Variants in MAP1B observed in about 807,000 individuals in gnomAD.
MAP1B encodes the protein microtubule associated protein 1B, also known as microtubule-associated protein 1B.
In MAP1B, 12 loss-of-function variants were observed where a neutral mutation model predicts 176.1. The ratio of observed to expected loss-of-function variants is 0.07; its 90% CI spans 0.04 to 0.11. The LOEUF (loss-of-function observed/expected upper bound fraction) is 0.11. Among genes scored for constraint, MAP1B ranks in the 10% least tolerant of loss-of-function variants. The pLI is 1.00. For missense variants in MAP1B, 2,523 were observed against 2,990.5 expected (o/e 0.84, Z 3.65); for synonymous variants, 1,044 against 1,135.0 (o/e 0.92, Z 1.61).
intron 2 of MAP1B, among the ~76,000 whole-genome samples, chr5:72,160,747 C>A (rs1746312287): frequency 6.6e-6 from 1 of 152,160 alleles, no homozygotes; most frequent in Middle Eastern, 3.2e-3. Flanking sequence ...AACAGTGGGG[C>A]TCCCACCCTC....
chr5:72,128,754 C>T (rs1745672657), intron 2 of MAP1B, among the ~76,000 whole-genome samples: 1 of 152,208 alleles, frequency 6.6e-6, no homozygotes, highest in Non-Finnish European at 1.5e-5. Context: ...AATCTTCCCA[C>T]CTCAGCTTCC....
chr5:72,129,415 G>A (rs1745686735), intron 2 of MAP1B, among the ~76,000 whole-genome samples: 1 of 152,134 alleles, frequency 6.6e-6, no homozygotes, highest in Non-Finnish European at 1.5e-5. Flanking sequence ...AAATTAGCCA[G>A]GCGTGGTGGC....
intron 2 of MAP1B, among the ~76,000 whole-genome samples, chr5:72,182,792 A>C (rs771923442): frequency 6.6e-6 from 1 of 152,200 alleles, no homozygotes; most frequent in African/African-American, 2.4e-5. Flanking sequence ...CTACCCTCCC[A>C]ACCATGCGTC....
At chr5:72,148,653 G>T (rs936937315) in intron 2 of MAP1B, among the ~76,000 whole-genome samples, 3 of 152,218 alleles carry the variant, frequency 2.0e-5, no homozygotes, top group Non-Finnish European at 4.4e-5. Flanking sequence ...GGATCCACTT[G>T]CCACGCACCG....
At chr5:72,192,936 A>G (rs1199087249) in intron 4 of MAP1B, among the ~76,000 whole-genome samples, 5 of 152,190 alleles carry the variant, frequency 3.3e-5, no homozygotes, top group African/African-American at 1.2e-4. Context: ...ATCCTTGGGA[A>G]GTACTAAACA....
At chr5:72,118,860 T>C (rs1186690530) in intron 2 of MAP1B, among the ~76,000 whole-genome samples, 2 of 152,230 alleles carry the variant, frequency 1.3e-5, no homozygotes, top group Non-Finnish European at 2.9e-5. Flanking sequence ...ATGTTCCTGT[T>C]GGTTATGATA....
Position 72,199,955 on chromosome 5 carries a change from A to G in MAP1B, c.6600A>G (p.Pro2200=). 1.2e-6 allele frequency: 2 copies of G among 1,614,102 alleles called. No homozygotes were observed. Among genetic ancestry groups the G allele is most frequent in the Admixed American group, 1.7e-5 (1 of 60,016 alleles). The change falls in exon 5 of 7, where the codon CCA becomes CCG. Residue 2200 remains proline (P), a synonymous_variant. Transcript: ENST00000296755. This position sits in a 1 kb window ranked among gnomAD's most constrained non-coding sequence, Gnocchi z 4.2. ...DKTVTYKHMD[P]PPAPVQDRSP... ...CTGTCACGTACAAACACATGGACCC[A>G]CCTCCAGCTCCCGTGCAAGACCGCA...
At chr5:72,176,709 C>T (rs1421930416) in intron 2 of MAP1B, among the ~76,000 whole-genome samples, 1 of 152,150 alleles carries the variant, frequency 6.6e-6, no homozygotes, top group Non-Finnish European at 1.5e-5. Flanking sequence ...AGGGATGGCA[C>T]CTGGCACATA....
In MAP1B at chr5:72,199,967, C is replaced by T. The variant is rs574061088; in HGVS notation, c.6612C>T (p.Pro2204=). The change falls in exon 5 of 7, where the codon CCC becomes CCT. Residue 2204 remains proline, a synonymous_variant. Coordinates refer to ENST00000296755, the MANE Select transcript of MAP1B (RefSeq NM_005909.5). The surrounding 1 kb of genome is among the most constrained non-coding windows in gnomAD (Gnocchi z 4.2). ...AACACATGGACCCACCTCCAGCTCC[C>T]GTGCAAGACCGCAGCCCTTCGCCAC... ...TYKHMDPPPA[P]VQDRSPSPRH... is the part of the protein sequence containing the mutation. 6.4e-5 allele frequency: 103 copies of T among 1,614,092 alleles called. 2 individuals are homozygous for T. Among genetic ancestry groups the T allele is most frequent in the South Asian group, 3.1e-4 (28 of 91,088 alleles).
At chr5:72,128,289 CTATT>C (rs771073403) in intron 2 of MAP1B, among the ~76,000 whole-genome samples, 6 of 151,972 alleles carry the variant, frequency 3.9e-5, no homozygotes, top group Non-Finnish European at 8.8e-5. Context: ...AGTGAGCAAA[CTATT>C]TATTTTGAGG....
chr5:72,108,349 A>T (rs186238323), intron 1 of MAP1B, among the ~76,000 whole-genome samples: 1 of 150,978 alleles, frequency 6.6e-6, no homozygotes, highest in South Asian at 2.1e-4. Flanking sequence ...GCCACCAGAC[A>T]GAGCCCGCCT....
chr5:72,108,561 G>A (rs1211234962), intron 1 of MAP1B, among the ~76,000 whole-genome samples: 1 of 152,206 alleles, frequency 6.6e-6, no homozygotes, highest in African/African-American at 2.4e-5. Flanking sequence ...GCCGAATAGC[G>A]GTACGCCGGG....
At chr5:72,179,888 T>C in intron 2 of MAP1B, 1 of 985,532 alleles carries the variant, frequency 1.0e-6, no homozygotes, top group Non-Finnish European at 1.2e-6. Flanking sequence ...GGTCTGAAGA[T>C]TGACTTGGAA....
Position 72,107,672 on chromosome 5 carries a change from G to A in MAP1B, c.141G>A (p.Val47=). ...FYLLVVVGEI[V]TEEHLRRAIG... is the part of the protein sequence containing the mutation. The stretch of plus-strand genomic sequence containing the variant: ...TGCTGGTGGTCGTCGGCGAGATCGT[G>A]ACCGAGGAGCACCTGCGGCGTGCCA... The change falls in exon 1 of 7, where the codon GTG becomes GTA. Residue 47 remains valine (V), a synonymous_variant. Coordinates refer to ENST00000296755, the MANE Select transcript of MAP1B (RefSeq NM_005909.5). The A allele has an allele frequency of 3.1e-6, 5 of 1,600,002 alleles. No individual in the cohort carries two copies. The highest frequency in any genetic ancestry group is 4.2e-6 in the Non-Finnish European group (5 of 1,179,614).
intron 3 of MAP1B, among the ~76,000 whole-genome samples, chr5:72,185,051 T>C (rs1387774881): frequency 2.0e-5 from 3 of 152,208 alleles, no homozygotes; most frequent in Admixed American, 2.0e-4. Context: ...ATAAATATAA[T>C]GATATACTAT....
intron 2 of MAP1B, among the ~76,000 whole-genome samples, chr5:72,167,565 C>T (rs1212324667): frequency 6.6e-6 from 1 of 152,186 alleles, no homozygotes; most frequent in African/African-American, 2.4e-5. Flanking sequence ...CTGTGTACCT[C>T]TAGTGTTCCG....
chr5:72,198,520 C>T lies in MAP1B; in HGVS notation c.5165C>T (p.Ser1722Leu), dbSNP rs750154448. ...TQDNDLSELI[S>L]VSQVEASPST... ...GATAATGATCTTTCTGAGCTCATCTCAGTATCTCAGGTAGAGGCCTCCCCG... is the reference window on the plus strand; with the variant it reads ...GATAATGATCTTTCTGAGCTCATCTTAGTATCTCAGGTAGAGGCCTCCCCG... The change falls in exon 5 of 7, where the codon TCA (serine) becomes TTA (leucine). Residue 1722 changes from serine (S) to leucine (L), a missense_variant. By Grantham distance (145) the Ser-to-Leu change is moderately radical (BLOSUM62 -2). Transcript: ENST00000296755. The T allele has an allele frequency of 6.2e-7, 1 of 1,614,016 alleles. No individual in the cohort carries two copies. The highest frequency in any genetic ancestry group is 8.5e-7 in the Non-Finnish European group (1 of 1,180,016).
At chr5:72,122,967 TA>T (rs1054614378) in intron 2 of MAP1B, among the ~76,000 whole-genome samples, 3 of 152,224 alleles carry the variant, frequency 2.0e-5, no homozygotes, top group Non-Finnish European at 4.4e-5. Context: ...AGGTTTTTTT[TA>T]AGTATGCAGC....
Position 72,204,940 on chromosome 5 carries a change from T to A in MAP1B, c.7252-144T>A. 1 of 568,128 alleles carries A rather than the reference T, an allele frequency of 1.8e-6. No individual in the cohort carries two copies. The highest frequency in any genetic ancestry group is 3.0e-5 in the East Asian group (1 of 33,482). The allele number at this position is 568,128 out of a possible 1,614,324, so 35.2% of individuals were successfully genotyped here. A position where few individuals can be genotyped will look rare whatever the true frequency, so the allele number is the denominator to read the frequency against. On this transcript the variant is annotated intron_variant, in intron 6 of 6. Transcript: ENST00000296755. The surrounding 1 kb of genome is among the most constrained non-coding windows in gnomAD (Gnocchi z 4.4). Reference sequence around the variant, plus strand: ...TTCCTGGAAAATATACATTGAAAAATCCTTTGCATTTCTTGAGGAAAATAG... The same window carrying A: ...TTCCTGGAAAATATACATTGAAAAAACCTTTGCATTTCTTGAGGAAAATAG...
Sources: gnomAD v4.1 joint callset for allele counts (sites outside exome capture counted in the v4.1 genomes callset) on GRCh38, gnomAD v4.1.1 for gene constraint, Gnocchi (gnomAD v3.1) non-coding constraint, MANE v1.5 for transcripts, NCBI Gene and HGNC (gene_info 2026-07-23, HGNC 2026-07-21) for gene names.